Variants in SPECC1 observed in about 807,000 individuals in gnomAD.
SPECC1 encodes the protein sperm antigen with calponin homology and coiled-coil domains 1.
Under a neutral mutation model 104.1 loss-of-function variants are expected in SPECC1, and 62 were observed. The ratio of observed to expected loss-of-function variants is 0.60; its 90% CI spans 0.49 to 0.74. The LOEUF (loss-of-function observed/expected upper bound fraction) is 0.74. SPECC1 is among the 30% of genes least tolerant of loss of function. The pLI, the probability that SPECC1 is intolerant of heterozygous loss-of-function variation, is 0.00. For missense variants in SPECC1, 1,306 were observed against 1,310.5 expected (o/e 1.00, Z 0.05); for synonymous variants, 513 against 501.6 (o/e 1.02, Z -0.30).
chr17:20,076,551 A>G (rs764454226), intron 1 of SPECC1, among the ~76,000 whole-genome samples: 10 of 152,364 alleles, frequency 6.6e-5, no homozygotes, highest in Non-Finnish European at 1.2e-4. Context: ...TGATTGGTCC[A>G]TAAGTTATTT....
chr17:20,234,697 C>T lies in SPECC1; in HGVS notation c.2351+2292C>T, dbSNP rs2038803177. Reference sequence around the variant, plus strand: ...GGACAACTGAGAGAAGGTAAGATCACCCAAAAAGCACCTGGATCCAGACAT... The same window carrying T: ...GGACAACTGAGAGAAGGTAAGATCATCCAAAAAGCACCTGGATCCAGACAT... On this transcript the variant is annotated intron_variant, in intron 7 of 14. Transcript: ENST00000395527. Among the ~76,000 whole-genome samples the T allele has an allele frequency of 2.0e-5, 3 of 152,304 alleles. No individual in the cohort carries two copies. The South Asian group carries it at 6.2e-4, about 32-fold the overall frequency.
intron 3 of SPECC1, chr17:20,112,955 C>G (rs900789216): frequency 1.6e-6 from 2 of 1,275,362 alleles, no homozygotes; most frequent in Non-Finnish European, 1.1e-6. Flanking sequence ...TGAAGAGATG[C>G]TAACACCACT....
chr17:20,087,112 T>C (rs572074390), intron 1 of SPECC1: 1 of 152,366 alleles, frequency 6.6e-6, no homozygotes, highest in East Asian at 1.9e-4. Context: ...CATCAGTTCA[T>C]ACTTTACAAA....
chr17:20,167,104 C>A (rs2033715528), intron 3 of SPECC1, among the ~76,000 whole-genome samples: 1 of 148,160 alleles, frequency 6.7e-6, no homozygotes. Flanking sequence ...CACAAATACC[C>A]CAAATTAGCT....
intron 12 of SPECC1, among the ~76,000 whole-genome samples, chr17:20,289,963 G>A (rs1380846881): frequency 6.6e-6 from 1 of 152,032 alleles, no homozygotes; most frequent in East Asian, 1.9e-4. Context: ...CATGGGCTTG[G>A]GCTTGTCTAC....
intron 1 of SPECC1, among the ~76,000 whole-genome samples, chr17:20,030,529 A>G (rs541543797): frequency 6.6e-6 from 1 of 152,240 alleles, no homozygotes; most frequent in African/African-American, 2.4e-5. Context: ...GTTATTTGCA[A>G]ATATATTACA....
At chr17:20,281,846 C>T (rs1352592017) in intron 12 of SPECC1, among the ~76,000 whole-genome samples, 1 of 152,236 alleles carries the variant, frequency 6.6e-6, no homozygotes, top group African/African-American at 2.4e-5. Context: ...TCCCCAGAGG[C>T]CTGAGCATGG....
chr17:20,194,505 T>TTA (rs2035890239), intron 3 of SPECC1, among the ~76,000 whole-genome samples: 1 of 48,012 alleles, frequency 2.1e-5, no homozygotes, highest in Admixed American at 2.0e-4. Flanking sequence ...AGAACGAATT[T>TTA]TTTTTTTTTT....
At chr17:20,096,504 C>T in intron 1 of SPECC1, 127 bp from the exon 2 acceptor site, 2 of 1,118,986 alleles carry the variant, frequency 1.8e-6, no homozygotes, top group Non-Finnish European at 2.6e-6. Flanking sequence ...CTATTTCCAG[C>T]CAAATCATAG....
intron 3 of SPECC1, among the ~76,000 whole-genome samples, chr17:20,173,484 A>G (rs936462595): frequency 6.6e-6 from 1 of 152,236 alleles, no homozygotes; most frequent in Non-Finnish European, 1.5e-5. Flanking sequence ...ACAAATGATT[A>G]TGGTGACATT....
intron 1 of SPECC1, among the ~76,000 whole-genome samples, chr17:20,092,040 G>C (rs2047425180): frequency 6.6e-6 from 1 of 152,118 alleles, no homozygotes; most frequent in Non-Finnish European, 1.5e-5. Flanking sequence ...TCCTTAAATA[G>C]GGGTTCCCTC....
intron 14 of SPECC1, among the ~76,000 whole-genome samples, chr17:20,308,708 C>G (rs1027416788): frequency 1.3e-5 from 2 of 152,060 alleles, no homozygotes; most frequent in Non-Finnish European, 2.9e-5. Flanking sequence ...ATCTTTAAGA[C>G]GCAGATATCC....
At chr17:20,178,967 A>G (rs755544577) in intron 3 of SPECC1, among the ~76,000 whole-genome samples, 14 of 152,228 alleles carry the variant, frequency 9.2e-5, no homozygotes, top group Non-Finnish European at 1.6e-4. Flanking sequence ...TGCCATAGGA[A>G]TTCTTACCCA....
At chr17:20,016,618 G>A (rs558785244) in intron 1 of SPECC1, among the ~76,000 whole-genome samples, 1 of 152,356 alleles carries the variant, frequency 6.6e-6, no homozygotes, top group South Asian at 2.1e-4. Context: ...ACCTGGGCCA[G>A]CAGCTGCTGT....
At chr17:20,102,230 CA>C in intron 2 of SPECC1, among the ~76,000 whole-genome samples, 1 of 152,314 alleles carries the variant, frequency 6.6e-6, no homozygotes, top group East Asian at 1.9e-4. Context: ...AAAGCAGTGA[CA>C]AAGTAAGAGT....
Position 20,232,398 on chromosome 17 carries a change from GC to G in SPECC1, c.2348del (p.Pro783LeufsTer67), listed in dbSNP as rs2038649004. 1 of 1,606,388 alleles carries G rather than the reference GC, an allele frequency of 6.2e-7. No homozygotes were observed. The highest frequency in any genetic ancestry group is 8.5e-7 in the Non-Finnish European group (1 of 1,176,432). ...GHGRVVTSRAAPPPVDEEPES... is the reference protein window; with the variant it reads ...GHGRVVTSRAXPPPVDEEPES... The stretch of plus-strand genomic sequence containing the variant: ...CGGCAGGGTGGTCACCAGCAGAGCC[GC>G]CCCTCCGTGAGTCTGGTGGGCACCA... On this transcript the variant is annotated frameshift_variant, in exon 7 of 15. Coordinates refer to ENST00000395527, the MANE Select transcript of SPECC1 (RefSeq NM_001243439.2). LOFTEE classifies it high-confidence loss of function.
Position 20,204,647 on chromosome 17 carries a change from C to G in SPECC1, c.598C>G (p.Leu200Val). 3 of 1,614,128 alleles carry G rather than the reference C, an allele frequency of 1.9e-6. No homozygotes were observed. Among genetic ancestry groups the G allele is most frequent in the Non-Finnish European group, 2.5e-6 (3 of 1,180,030 alleles). Residue 200 changes from leucine to valine, a missense_variant, in exon 4 of 15, where the codon CTG becomes GTG. By Grantham distance (32) the Leu-to-Val change is conservative. Around this residue, in one of 2 missense-constraint regions of SPECC1, gnomAD observed 1,177 missense variants for 1,139.9 expected, o/e 1.03. Coordinates refer to ENST00000395527, the MANE Select transcript of SPECC1 (RefSeq NM_001243439.2). ...AAAGAAATACAAAGAGAAAAGGACTCTGAACGCTGAGGGGACTGATGCTTT... is the reference window on the plus strand; with the variant it reads ...AAAGAAATACAAAGAGAAAAGGACTGTGAACGCTGAGGGGACTGATGCTTT... ...ELKKYKEKRT[L>V]NAEGTDALGP...
At chr17:20,021,504 A>G (rs942833837) in intron 1 of SPECC1, among the ~76,000 whole-genome samples, 2 of 151,542 alleles carry the variant, frequency 1.3e-5, no homozygotes, top group Non-Finnish European at 2.9e-5. Context: ...CTCCTTATGG[A>G]CTTGTGTGAG....
intron 3 of SPECC1, chr17:20,112,630 T>G: frequency 1.1e-6 from 1 of 891,118 alleles, no homozygotes; most frequent in Non-Finnish European, 1.9e-6. Context: ...GATCAGTGCT[T>G]GACTGTGCAA....
Sources: allele counts gnomAD v4.1 joint callset (sites outside exome capture counted in the v4.1 genomes callset), GRCh38; gene constraint gnomAD v4.1.1; regional missense constraint gnomAD v4.1.1; transcripts MANE v1.5; gene names NCBI Gene and HGNC (gene_info 2026-07-23, HGNC 2026-07-21).